SCARA3: variants seen among roughly 807,000 people sequenced by gnomAD.
The protein encoded by SCARA3 is scavenger receptor class A member 3, also known as cellular stress response gene protein.
Under a neutral mutation model 47.0 loss-of-function variants are expected in SCARA3, and 39 were observed. That is an observed-to-expected ratio of 0.83 (90% CI 0.64 to 1.08). The LOEUF (loss-of-function observed/expected upper bound fraction) is 1.08, where lower values mean the gene tolerates loss of function less well. Ranked by LOEUF, SCARA3 falls within the 50% of genes least tolerant of loss-of-function variation. SCARA3 has a pLI of 0.00. For missense variants in SCARA3, 724 were observed against 792.3 expected (o/e 0.91, Z 1.04); for synonymous variants, 356 against 334.1 (o/e 1.07, Z -0.71).
At chr8:27,669,468 C>T (rs1331874311) in intron 5 of SCARA3, among the ~76,000 whole-genome samples, 1 of 152,206 alleles carries the variant, frequency 6.6e-6, no homozygotes, top group Non-Finnish European at 1.5e-5. Flanking sequence ...CAGCCTGGGC[C>T]CCTGGCACTC....
the SCARA3 span, among the ~76,000 whole-genome samples, chr8:27,691,930 C>G: frequency 1.3e-5 from 2 of 152,136 alleles, no homozygotes; most frequent in African/African-American, 2.4e-5. Flanking sequence ...CTATGTATCT[C>G]CTGTCCATTC....
the SCARA3 span, chr8:27,697,334 C>G: frequency 1.9e-5 from 4 of 205,784 alleles, no homozygotes; most frequent in African/African-American, 7.0e-5. Flanking sequence ...TCTGAGCAGG[C>G]GTCCCACGCC....
intron 1 of SCARA3, among the ~76,000 whole-genome samples, chr8:27,636,314 G>A (rs977825043): frequency 2.0e-4 from 31 of 152,198 alleles, no homozygotes; most frequent in Non-Finnish European, 2.9e-4. Context: ...GCAGATACCT[G>A]TAATTCTAGC....
intron 3 of SCARA3, among the ~76,000 whole-genome samples, chr8:27,652,565 G>A (rs760712387): frequency 2.6e-5 from 4 of 152,318 alleles, no homozygotes; most frequent in East Asian, 1.9e-4. Flanking sequence ...GAGGCCCCTC[G>A]TCCTGGCCCT....
chr8:27,673,210 C>G (rs1423834122), downstream of SCARA3, among the ~76,000 whole-genome samples: 4 of 152,212 alleles, frequency 2.6e-5, no homozygotes, highest in East Asian at 1.9e-4. Context: ...GGGAATTACT[C>G]AGAGAGAGCA....
the SCARA3 span, among the ~76,000 whole-genome samples, chr8:27,729,562 G>A: frequency 6.6e-6 from 1 of 152,096 alleles, no homozygotes; most frequent in East Asian, 1.9e-4. Flanking sequence ...AGGCCGAGGC[G>A]GGCGGATTGC....
chr8:27,701,318 G>C, the SCARA3 span: 1 of 152,230 alleles, frequency 6.6e-6, no homozygotes, highest in African/African-American at 2.4e-5. Context: ...AGTTTCTGGG[G>C]TGCTATAAAT....
At chr8:27,701,550 C>A in the SCARA3 span, 7 of 151,196 alleles carry the variant, frequency 4.6e-5, no homozygotes, top group Non-Finnish European at 8.9e-5. Context: ...GTAGCTTTTT[C>A]TTTCCTTCCT....
At chr8:27,717,886 CAGTT>C in the SCARA3 span, among the ~76,000 whole-genome samples, 2 of 152,170 alleles carry the variant, frequency 1.3e-5, no homozygotes, top group Non-Finnish European at 2.9e-5. Flanking sequence ...GGCGTTAAGT[CAGTT>C]AGTCTGTCTG....
Position 27,651,516 on chromosome 8 carries a change from G to A in SCARA3, c.115G>A (p.Gly39Arg). 6.2e-7 allele frequency: 1 copy of A among 1,612,486 alleles called. No homozygotes were observed. The highest frequency in any genetic ancestry group is 8.5e-7 in the Non-Finnish European group (1 of 1,180,012). The change falls in exon 3 of 6, where the codon GGG (glycine) becomes AGG (arginine). Residue 39 changes from glycine to arginine, a missense_variant. Coordinates refer to ENST00000301904, the MANE Select transcript of SCARA3 (RefSeq NM_016240.3). ...TFPCTQKGRP[G>R]PRCSRCQKNL... The stretch of plus-strand genomic sequence containing the variant: ...CCTTGTGTCCCCCACAGGCCGGCCA[G>A]GGCCCCGCTGCAGCCGCTGCCAGAA...
At chr8:27,665,015 C>G in intron 5 of SCARA3, among the ~76,000 whole-genome samples, 1 of 152,216 alleles carries the variant, frequency 6.6e-6, no homozygotes, top group East Asian at 1.9e-4. Flanking sequence ...ATTCATTCAT[C>G]CAGAGACAGG....
At chr8:27,689,904 T>G in the SCARA3 span, among the ~76,000 whole-genome samples, 12,823 of 152,202 alleles carry the variant, frequency 0.084, 638 homozygotes, top group East Asian at 0.22. Flanking sequence ...CAGGAGGATT[T>G]CTTGAGGCCA....
chr8:27,724,254 C>T, the SCARA3 span, among the ~76,000 whole-genome samples: 58,421 of 152,058 alleles, frequency 0.38, 11,808 homozygotes, highest in Non-Finnish European at 0.45. Context: ...ACTGGTAGAT[C>T]AGGAAGACGC....
chr8:27,723,488 C>T, the SCARA3 span, among the ~76,000 whole-genome samples: 1 of 152,330 alleles, frequency 6.6e-6, no homozygotes, highest in African/African-American at 2.4e-5. Context: ...CTTAATCTCA[C>T]TCCGACTGCT....
chr8:27,675,656 G>T (rs1802264338), downstream of SCARA3, among the ~76,000 whole-genome samples: 2 of 152,166 alleles, frequency 1.3e-5, no homozygotes. Context: ...TGGGCAGGGT[G>T]GTGTGCACCT....
the SCARA3 span, among the ~76,000 whole-genome samples, chr8:27,722,018 G>A: frequency 6.6e-6 from 1 of 152,196 alleles, no homozygotes; most frequent in South Asian, 2.1e-4. Flanking sequence ...GAGCCTGGGA[G>A]GTCAAGGCTG....
chr8:27,638,871 C>T (rs1205103582), intron 1 of SCARA3, among the ~76,000 whole-genome samples: 1 of 152,156 alleles, frequency 6.6e-6, no homozygotes, highest in Non-Finnish European at 1.5e-5. Flanking sequence ...CCTGGCTTTC[C>T]TTCTTTGCTG....
downstream of SCARA3, chr8:27,676,626 A>G (rs1465964318): frequency 5.4e-6 from 7 of 1,294,308 alleles, no homozygotes; most frequent in East Asian, 1.4e-4. Flanking sequence ...AAAGCCCAGG[A>G]TGACCAAGAA....
rs1776842138 is a variant in SCARA3, at chr8:27,634,096, C to T, written c.-105C>T. The T allele has an allele frequency of 2.7e-6, 3 of 1,127,940 alleles. No individual in the cohort carries two copies. Among genetic ancestry groups the T allele is most frequent in the Admixed American group, 3.8e-5 (1 of 26,016 alleles). The allele number at this position is 1,127,940 out of a possible 1,614,324, so 69.9% of individuals were successfully genotyped here. On this transcript the variant is annotated 5_prime_UTR_variant, in exon 1 of 6. Coordinates refer to ENST00000301904, the MANE Select transcript of SCARA3 (RefSeq NM_016240.3). Reference sequence around the variant, plus strand: ...CGGAGCCCCACGGCCGCGGGCGGCGCCTAGGACGGCGATCCGCGCCCTGGA... The same window carrying T: ...CGGAGCCCCACGGCCGCGGGCGGCGTCTAGGACGGCGATCCGCGCCCTGGA...
Sources: allele counts gnomAD v4.1 joint callset (sites outside exome capture counted in the v4.1 genomes callset), GRCh38; gene constraint gnomAD v4.1.1; transcripts MANE v1.5; gene names NCBI Gene and HGNC (gene_info 2026-07-23, HGNC 2026-07-21).